The following SLC2A9 variants were observed in gnomAD, a reference collection of about 807,000 sequenced individuals.
SLC2A9 encodes solute carrier family 2, facilitated glucose transporter member 9.
In SLC2A9, 39 loss-of-function variants were observed where a neutral mutation model predicts 50.6. The ratio of observed to expected loss-of-function variants is 0.77; its 90% CI spans 0.60 to 1.01. The LOEUF (loss-of-function observed/expected upper bound fraction) is 1.01, where lower values mean the gene tolerates loss of function less well. SLC2A9 is among the 50% of genes least tolerant of loss of function. The pLI is 0.00. For missense variants in SLC2A9, 686 were observed against 677.6 expected, an observed-to-expected ratio of 1.01 and a Z score of -0.14; for synonymous variants, 324 against 276.9, an observed-to-expected ratio of 1.17 and a Z score of -1.69.
chr4:9,997,028 A>G (rs1013808291), intron 2 of SLC2A9, 87 bp from the exon 3 acceptor site: 65 of 1,504,218 alleles, frequency 4.3e-5, no homozygotes, highest in Non-Finnish European at 5.9e-5. Flanking sequence ...AACAGCTTGT[A>G]CAGAGCATTT....
chr4:9,921,619 C>A (rs564123442), intron 6 of SLC2A9, among the ~76,000 whole-genome samples: 1 of 152,258 alleles, frequency 6.6e-6, no homozygotes, highest in Non-Finnish European at 1.5e-5. Flanking sequence ...GAAGCAAGAA[C>A]CCTTCCGAAG....
In SLC2A9 at chr4:9,895,732, T is replaced by C. The variant is rs188474559; in HGVS notation, c.1114-5021A>G. On this transcript the variant is annotated intron_variant, in intron 8 of 11. Transcript: ENST00000264784. Reference sequence around the variant, plus strand: ...ATTCAGTCTAATGTACCCATTTGAATTGCACAGTCTTGTATGTTTTGACAA... The same window carrying C: ...ATTCAGTCTAATGTACCCATTTGAACTGCACAGTCTTGTATGTTTTGACAA... 1.5e-4 allele frequency among the ~76,000 whole-genome samples: 23 copies of C among 152,342 alleles called. No homozygotes were observed. In the East Asian group the frequency reaches 3.9e-3, roughly 26 times the overall value.
chr4:9,980,782 G>C (rs773405714), intron 4 of SLC2A9, 45 bp from the exon 5 acceptor site: 10 of 1,613,542 alleles, frequency 6.2e-6, no homozygotes, highest in African/African-American at 1.3e-5. Context: ...TGTCTTCCCG[G>C]GGGAGCTGCA....
chr4:9,849,438 AGATTGT>A (rs1729512668), intron 10 of SLC2A9, among the ~76,000 whole-genome samples: 1 of 152,250 alleles, frequency 6.6e-6, no homozygotes, highest in Admixed American at 6.5e-5. Flanking sequence ...CATGAGACTT[AGATTGT>A]TTCCTGAACT....
chr4:9,793,898 C>T (rs1001491103), intron 3 of SLC2A9, among the ~76,000 whole-genome samples: 27 of 152,184 alleles, frequency 1.8e-4, no homozygotes, highest in Admixed American at 7.2e-4. Context: ...CTCTCCCCTG[C>T]TATTCTGGTA....
chr4:10,014,947 G>A (rs550616560), intron 2 of SLC2A9, among the ~76,000 whole-genome samples: 1 of 152,324 alleles, frequency 6.6e-6, no homozygotes, highest in Non-Finnish European at 1.5e-5. Context: ...CATAGGGAGG[G>A]GAAGAGTTTG....
At chr4:10,011,578 C>T (rs3756238) in intron 2 of SLC2A9, among the ~76,000 whole-genome samples, 67,060 of 152,168 alleles carry the variant, frequency 0.44, 16,403 homozygotes, top group South Asian at 0.59. Flanking sequence ...CATTTGCATG[C>T]ATGACTGTCT....
chr4:9,848,776 C>A (rs1015497293), intron 10 of SLC2A9, among the ~76,000 whole-genome samples: 1 of 150,212 alleles, frequency 6.7e-6, no homozygotes, highest in Non-Finnish European at 1.5e-5. Context: ...ACGATCTCGG[C>A]TCACTGCAAG....
intron 6 of SLC2A9, among the ~76,000 whole-genome samples, chr4:9,924,320 C>A (rs745936644): frequency 5.3e-5 from 8 of 152,230 alleles, no homozygotes; most frequent in Non-Finnish European, 1.2e-4. Flanking sequence ...CCGCCTGCGG[C>A]TTTCCCTGGG....
At chr4:9,971,517 T>C (rs1031342783) in intron 5 of SLC2A9, among the ~76,000 whole-genome samples, 1 of 152,170 alleles carries the variant, frequency 6.6e-6, no homozygotes, top group Admixed American at 6.5e-5. Context: ...CAAACCCCTC[T>C]TGTTGCTCAA....
intron 8 of SLC2A9, among the ~76,000 whole-genome samples, chr4:9,902,026 C>A (rs1739725669): frequency 6.6e-6 from 1 of 152,198 alleles, no homozygotes; most frequent in Admixed American, 6.5e-5. Flanking sequence ...AATTAATCTG[C>A]CTTCGAGCTG....
At chr4:9,870,713 GA>G (rs1424470976) in intron 10 of SLC2A9, among the ~76,000 whole-genome samples, 3 of 152,220 alleles carry the variant, frequency 2.0e-5, no homozygotes, top group Non-Finnish European at 2.9e-5. Flanking sequence ...AGAACGGCTG[GA>G]AAAAGGAGAC....
chr4:9,909,656 G>A (rs951370639), intron 7 of SLC2A9, among the ~76,000 whole-genome samples: 9 of 152,190 alleles, frequency 5.9e-5, no homozygotes, highest in African/African-American at 2.2e-4. Flanking sequence ...GGTGAGAATT[G>A]TCACTCTTCA....
At chr4:9,949,664 C>A (rs569090198) in intron 5 of SLC2A9, among the ~76,000 whole-genome samples, 2 of 152,256 alleles carry the variant, frequency 1.3e-5, no homozygotes, top group African/African-American at 4.8e-5. Flanking sequence ...TGCTGCCTTG[C>A]CACCTTCCCT....
chr4:9,853,904 A>C (rs1444831644), intron 10 of SLC2A9, among the ~76,000 whole-genome samples: 2 of 152,212 alleles, frequency 1.3e-5, no homozygotes, highest in Non-Finnish European at 2.9e-5. Flanking sequence ...TTTTGGGTGA[A>C]TGATGAAATT....
At chr4:9,816,913 A>G (rs773095288) in intron 3 of SLC2A9, among the ~76,000 whole-genome samples, 2 of 152,202 alleles carry the variant, frequency 1.3e-5, no homozygotes, top group Non-Finnish European at 2.9e-5. Flanking sequence ...CAAAAATCCT[A>G]AAATCAAAGT....
At chr4:9,819,704 C>T (rs1012537165) in intron 3 of SLC2A9, among the ~76,000 whole-genome samples, 7 of 152,196 alleles carry the variant, frequency 4.6e-5, no homozygotes, top group Admixed American at 3.3e-4. Flanking sequence ...GAGGCCAAGG[C>T]GTGCAGACCA....
rs764863059 is a variant in SLC2A9, at chr4:9,950,892, CAAAAAAA to C, written c.682-8854_682-8848del. The stretch of plus-strand genomic sequence containing the variant: ...TGGGCGACAGAGCGAGACTCCGTCT[CAAAAAAA>C]AAAAAAAAAAAAAAAAAAAAGAAAA... On this transcript the variant is annotated intron_variant, in intron 5 of 11. Transcript: ENST00000264784. 7.6e-3 allele frequency among the ~76,000 whole-genome samples: 88 copies of C among 11,544 alleles called. 2 individuals carry two copies. Among genetic ancestry groups the C allele is most frequent in the South Asian group, 0.031 (6 of 194 alleles). 7.6% of individuals were successfully genotyped at this position (11,544 alleles called of 152,430 possible). A position where few individuals can be genotyped will look rare whatever the true frequency, so the allele number is the denominator to read the frequency against.
intron 3 of SLC2A9, among the ~76,000 whole-genome samples, chr4:9,816,025 C>G (rs1723540259): frequency 6.6e-6 from 1 of 151,946 alleles, no homozygotes; most frequent in South Asian, 2.1e-4. Context: ...CAAAAATTAG[C>G]CGGGCATGGT....
Sources: gnomAD v4.1 joint callset for allele counts (sites outside exome capture counted in the v4.1 genomes callset) on GRCh38, gnomAD v4.1.1 for gene constraint, MANE v1.5 for transcripts, NCBI Gene and HGNC (gene_info 2026-07-23, HGNC 2026-07-21) for gene names.